ABI1: variants seen among roughly 807,000 people sequenced by gnomAD.
The protein encoded by ABI1 is Abelson interactor 1.
Under a neutral mutation model 54.6 loss-of-function variants are expected in ABI1, and 14 were observed. That is an observed-to-expected ratio of 0.26 (90% confidence interval 0.17 to 0.40). The LOEUF (loss-of-function observed/expected upper bound fraction) is 0.40. Ranked by LOEUF, ABI1 falls within the 10% of genes least tolerant of loss-of-function variation. ABI1 has a pLI of 1.00. For synonymous variants in ABI1, 194 were observed against 209.3 expected, an observed-to-expected ratio of 0.93 and a Z score of 0.63; for missense variants, 443 against 598.3, an observed-to-expected ratio of 0.74 and a Z score of 2.71.
chr10:26,766,598 C>T (rs1037573944), intron 6 of ABI1, among the ~76,000 whole-genome samples: 1 of 152,008 alleles, frequency 6.6e-6, no homozygotes, highest in Admixed American at 6.5e-5. Flanking sequence ...ATGTGAAGAC[C>T]TCCCTAACTC....
intron 1 of ABI1, among the ~76,000 whole-genome samples, chr10:26,833,293 T>C: frequency 6.6e-6 from 1 of 152,198 alleles, no homozygotes; most frequent in South Asian, 2.1e-4. Flanking sequence ...AATTCCAAGT[T>C]TAACTATAAT....
intron 2 of ABI1, among the ~76,000 whole-genome samples, chr10:26,786,555 T>C (rs114145781): frequency 4.4e-4 from 67 of 152,232 alleles, no homozygotes; most frequent in African/African-American, 1.5e-3. Flanking sequence ...CCTTTTCTAA[T>C]AGGTCCAGCA....
At chr10:26,764,865 T>C (rs1047188931) in intron 7 of ABI1, among the ~76,000 whole-genome samples, 2 of 152,174 alleles carry the variant, frequency 1.3e-5, no homozygotes, top group East Asian at 1.9e-4. Flanking sequence ...CTACACCAGT[T>C]TATAGAAAGG....
intron 6 of ABI1, 94 bp from the exon 7 acceptor site, chr10:26,765,412 T>C: frequency 1.2e-6 from 1 of 830,646 alleles, no homozygotes; most frequent in Non-Finnish European, 1.9e-6. Flanking sequence ...ACTCCTTTTA[T>C]GTCATATAGT....
chr10:26,834,642 C>T (rs1275926317), intron 1 of ABI1, among the ~76,000 whole-genome samples: 1 of 149,932 alleles, frequency 6.7e-6, no homozygotes, highest in Non-Finnish European at 1.5e-5. Context: ...AAATATTCAA[C>T]ATCATTAATC....
chr10:26,768,789 A>C, intron 6 of ABI1, 63 bp downstream of exon 6: 1 of 1,458,918 alleles, frequency 6.9e-7, no homozygotes, highest in Non-Finnish European at 9.3e-7. Flanking sequence ...CCTCCATAGG[A>C]GTTTGTCGCC....
chr10:26,818,590 C>T (rs1264611038), intron 2 of ABI1, among the ~76,000 whole-genome samples: 1 of 146,042 alleles, frequency 6.8e-6, no homozygotes, highest in Non-Finnish European at 1.5e-5. Context: ...CAAGATCACG[C>T]CACTGCACTC....
intron 2 of ABI1, among the ~76,000 whole-genome samples, chr10:26,806,431 ACAG>A (rs1470913598): frequency 6.6e-6 from 1 of 152,190 alleles, no homozygotes; most frequent in East Asian, 1.9e-4. Context: ...TTGGATGTTT[ACAG>A]GCAACCGCAC....
At chr10:26,808,276 C>G (rs1339203092) in intron 2 of ABI1, among the ~76,000 whole-genome samples, 1 of 152,106 alleles carries the variant, frequency 6.6e-6, no homozygotes, top group Non-Finnish European at 1.5e-5. Flanking sequence ...TCTGTTATTA[C>G]CACAGGAAGA....
At chr10:26,816,142 TAAATGATAAGCC>T (rs2047549232) in intron 2 of ABI1, among the ~76,000 whole-genome samples, 1 of 152,152 alleles carries the variant, frequency 6.6e-6, no homozygotes, top group Non-Finnish European at 1.5e-5. Flanking sequence ...CCTTGTCCCC[TAAATGATAAGCC>T]ATTGTGACAT....
At chr10:26,820,630 C>A (rs374099999) in intron 2 of ABI1, among the ~76,000 whole-genome samples, 1 of 150,904 alleles carries the variant, frequency 6.6e-6, no homozygotes, top group Non-Finnish European at 1.5e-5. Flanking sequence ...CTCTGTCACC[C>A]AGGCTGGAGT....
intron 2 of ABI1, among the ~76,000 whole-genome samples, chr10:26,778,779 G>A (rs1257540591): frequency 1.3e-5 from 2 of 152,150 alleles, no homozygotes; most frequent in African/African-American, 4.8e-5. Context: ...AGAAAGCAAA[G>A]GCAGATTTGC....
rs147540110 is a variant in ABI1 at position 26,784,488 on chromosome 10, T to C, written c.286-7247A>G. Among the ~76,000 whole-genome samples the C allele has an allele frequency of 3.7e-3, 568 of 152,040 alleles. 6 individuals carry two copies. The highest frequency in any genetic ancestry group is 0.031 in the East Asian group (162 of 5,148). On this transcript the variant is annotated intron_variant, in intron 2 of 10. Transcript: ENST00000376140. ...CTTACCAGCCATCAGGGAGGCCACA[T>C]TGGAGAAACTGTCAGCCTGTGCCGT... is the stretch of plus-strand genomic sequence containing the variant.
At chr10:26,772,610 A>G (rs1840832899) in intron 3 of ABI1, among the ~76,000 whole-genome samples, 1 of 152,164 alleles carries the variant, frequency 6.6e-6, no homozygotes. Flanking sequence ...GGCCTCCTCT[A>G]TTAAGTGTTA....
intron 1 of ABI1, among the ~76,000 whole-genome samples, chr10:26,854,892 C>G (rs2050689562): frequency 6.6e-6 from 1 of 152,052 alleles, no homozygotes; most frequent in South Asian, 2.1e-4. Context: ...AAAAGACAGG[C>G]AAGGATGCAG....
At chr10:26,856,275 G>GAA (rs199900095) in intron 1 of ABI1, among the ~76,000 whole-genome samples, 4 of 105,600 alleles carry the variant, frequency 3.8e-5, no homozygotes, top group Non-Finnish European at 4.0e-5. Flanking sequence ...TCTGTCTAAA[G>GAA]AAAAAAAAAA....
intron 2 of ABI1, among the ~76,000 whole-genome samples, chr10:26,810,714 G>T (rs1045136540): frequency 6.6e-6 from 1 of 152,032 alleles, no homozygotes; most frequent in Non-Finnish European, 1.5e-5. Context: ...ATGGATCACA[G>T]TTTACGGACC....
In ABI1 at chr10:26,751,667, C is replaced by G; in HGVS notation, c.1201G>C (p.Val401Leu). The G allele has an allele frequency of 6.2e-7, 1 of 1,614,064 alleles. No homozygotes were observed. Among genetic ancestry groups the G allele is most frequent in the Non-Finnish European group, 8.5e-7 (1 of 1,179,986 alleles). The part of the protein sequence containing the change: ...PVDYEDEEAA[V>L]VQYNDPYADG... ...GCATATGGATCATTATACTGAACTA[C>G]TGCAGCCTCCTCATCTTCATAATCC... The change falls in exon 10 of 11, where the codon GTA (valine) becomes CTA (leucine). Residue 401 changes from valine to leucine, a missense_variant. Physicochemically the swap from Val to Leu is conservative, Grantham distance 32. Around this residue, in one of 2 missense-constraint regions of ABI1, gnomAD observed 49 missense variants for 113.5 expected, o/e 0.43. Coordinates refer to ENST00000376140, the MANE Select transcript of ABI1 (RefSeq NM_001012750.3).
intron 2 of ABI1, among the ~76,000 whole-genome samples, chr10:26,799,410 G>A (rs978678118): frequency 4.6e-5 from 7 of 152,030 alleles, no homozygotes; most frequent in African/African-American, 1.7e-4. Context: ...AATTTACACT[G>A]TGCTCTTCAA....
Sources: allele counts gnomAD v4.1 joint callset (sites outside exome capture counted in the v4.1 genomes callset), GRCh38; gene constraint gnomAD v4.1.1; regional missense constraint gnomAD v4.1.1; transcripts MANE v1.5; gene names NCBI Gene and HGNC (gene_info 2026-07-23, HGNC 2026-07-21).